The following CEP112 variants were observed in gnomAD, a reference collection of about 807,000 sequenced individuals.
CEP112 encodes the protein centrosomal protein of 112 kDa.
In CEP112, 127 loss-of-function variants were observed where a neutral mutation model predicts 153.0. That is an observed-to-expected ratio of 0.83 (90% CI 0.72 to 0.96). The LOEUF (loss-of-function observed/expected upper bound fraction) is 0.96, where lower values mean the gene tolerates loss of function less well. Among genes scored for constraint, CEP112 ranks in the 40% least tolerant of loss-of-function variants. The probability of loss-of-function intolerance (pLI) is 0.00; values close to 1 mark genes in which losing one functional copy is unlikely to be tolerated. For synonymous variants in CEP112, 358 were observed against 374.4 expected (o/e 0.96, Z 0.51); for missense variants, 1,089 against 1,101.2 (o/e 0.99, Z 0.16).
At chr17:65,687,075 G>A (rs1056831423) in intron 24 of CEP112, among the ~76,000 whole-genome samples, 1 of 151,298 alleles carries the variant, frequency 6.6e-6, no homozygotes, top group Non-Finnish European at 1.5e-5. Context: ...TGGTTATTGT[G>A]AAAATTAAAT....
At chr17:66,183,779 AAAG>A (rs2072815864) in intron 1 of CEP112, among the ~76,000 whole-genome samples, 2 of 152,206 alleles carry the variant, frequency 1.3e-5, no homozygotes, top group Admixed American at 1.3e-4. Flanking sequence ...TACAAAAAAA[AAAG>A]AACTTCAACC....
At position 65,857,472 on chromosome 17, in the gene CEP112, C is replaced by T. The variant is rs181338489; in HGVS notation, c.2164-5438G>A. On this transcript the variant is annotated intron_variant, in intron 20 of 26. Coordinates refer to ENST00000535342, the MANE Select transcript of CEP112 (RefSeq NM_001199165.4). ...GATGGCTTGCTAACCGAACTCCTGACCTCGTGATCCGCCCACCTCAGCCTC... is the reference window on the plus strand; with the variant it reads ...GATGGCTTGCTAACCGAACTCCTGATCTCGTGATCCGCCCACCTCAGCCTC... 7.1e-4 allele frequency among the ~76,000 whole-genome samples: 108 copies of T among 152,270 alleles called. 1 individual carries two copies. The highest frequency in any genetic ancestry group is 2.4e-3 in the African/African-American group (100 of 41,548).
chr17:65,711,741 T>C (rs1312467059), intron 23 of CEP112, among the ~76,000 whole-genome samples: 1 of 152,126 alleles, frequency 6.6e-6, no homozygotes, highest in Non-Finnish European at 1.5e-5. Flanking sequence ...CCCCCTGCTA[T>C]AGTCACAAAA....
At chr17:66,142,929 T>G (rs2070771521) in intron 4 of CEP112, among the ~76,000 whole-genome samples, 1 of 152,228 alleles carries the variant, frequency 6.6e-6, no homozygotes, top group South Asian at 2.1e-4. Flanking sequence ...TGTAGATTGC[T>G]TTGTGTATGG....
chr17:65,953,661 C>T (rs1263701974), intron 18 of CEP112, among the ~76,000 whole-genome samples: 1 of 113,538 alleles, frequency 8.8e-6, no homozygotes, highest in African/African-American at 2.9e-5. Flanking sequence ...TGTGTGGGAG[C>T]AGGGTGAGGC....
At position 65,679,621 on chromosome 17, in the gene CEP112, G is replaced by T. The variant is rs528214386; in HGVS notation, c.2697+9508C>A. Among the ~76,000 whole-genome samples, 4 of 152,224 alleles carry T rather than the reference G, an allele frequency of 2.6e-5. No individual in the cohort carries two copies. The South Asian group carries it at 6.2e-4, about 24-fold the overall frequency. On this transcript the variant is annotated intron_variant, in intron 24 of 26. Coordinates refer to ENST00000535342, the MANE Select transcript of CEP112 (RefSeq NM_001199165.4). ...AGAAGACCAATTCTTTTTAACAATT[G>T]TCACAATTATTGCACAATTGATTTT...
At chr17:65,693,986 C>T (rs2048244303) in intron 23 of CEP112, among the ~76,000 whole-genome samples, 1 of 152,100 alleles carries the variant, frequency 6.6e-6, no homozygotes, top group Admixed American at 6.5e-5. Context: ...TCTTGGATGT[C>T]CCAGCCTCCA....
chr17:65,843,881 A>G (rs1385583087), intron 21 of CEP112, among the ~76,000 whole-genome samples: 1 of 152,244 alleles, frequency 6.6e-6, no homozygotes, highest in Non-Finnish European at 1.5e-5. Context: ...ACAAAGGAAA[A>G]GATGAACAGA....
chr17:65,685,442 A>G (rs2047732024), intron 24 of CEP112, among the ~76,000 whole-genome samples: 1 of 152,210 alleles, frequency 6.6e-6, no homozygotes, highest in Admixed American at 6.5e-5. Context: ...AACCAGTATC[A>G]GGATAACAAT....
chr17:65,970,953 C>G (rs2062741742), intron 17 of CEP112, among the ~76,000 whole-genome samples: 3 of 148,582 alleles, frequency 2.0e-5, no homozygotes, highest in South Asian at 4.4e-4. Context: ...ATATTACATA[C>G]CTATTACATG....
rs2051781321 is a variant in CEP112, at chr17:65,750,726, T to A, written c.2395-2A>T. The stretch of plus-strand genomic sequence containing the variant: ...AATCTGCTTCAGCTTGCTGTTGGCC[T>A]GAAAAACACATGTACATGAACACAT... On this transcript the variant is annotated splice_acceptor_variant, in intron 21 of 26. Transcript: ENST00000535342. LOFTEE classifies it high-confidence loss of function. 1 of 1,613,806 alleles carries A rather than the reference T, an allele frequency of 6.2e-7. No homozygotes were observed.
chr17:66,130,129 G>A (rs2146524780), intron 5 of CEP112, among the ~76,000 whole-genome samples: 1 of 152,104 alleles, frequency 6.6e-6, no homozygotes, highest in Non-Finnish European at 1.5e-5. Flanking sequence ...CAGAGGAAAG[G>A]ATTAGGTTAC....
intron 6 of CEP112, among the ~76,000 whole-genome samples, chr17:66,124,324 A>T (rs758983508): frequency 7.2e-5 from 11 of 152,182 alleles, no homozygotes; most frequent in Non-Finnish European, 1.5e-4. Context: ...CAAACTCTGA[A>T]GGAACCTCAT....
chr17:65,986,570 TG>T (rs1456662891), intron 17 of CEP112, among the ~76,000 whole-genome samples: 1 of 152,164 alleles, frequency 6.6e-6, no homozygotes, highest in Non-Finnish European at 1.5e-5. Flanking sequence ...ATGATGTTGG[TG>T]TACTATATGT....
At chr17:66,086,993 CTT>C (rs1309262856) in intron 8 of CEP112, among the ~76,000 whole-genome samples, 1 of 152,010 alleles carries the variant, frequency 6.6e-6, no homozygotes, top group Non-Finnish European at 1.5e-5. Context: ...GATAAAAAAA[CTT>C]CATCAAAATA....
At position 66,109,037 on chromosome 17, in the gene CEP112, C is replaced by G. The variant is rs975530310; in HGVS notation, c.643-12405G>C. ...AACAGAAAGACAAACTTGACATGTT[C>G]TCAATTATTTGTGGGAGTTAAAAAT... On this transcript the variant is annotated intron_variant, in intron 6 of 26. Transcript: ENST00000535342. 4.6e-5 allele frequency among the ~76,000 whole-genome samples: 7 copies of G among 152,180 alleles called. No homozygotes were observed. In the East Asian group the frequency reaches 1.4e-3, roughly 29 times the overall value.
chr17:66,064,808 A>G (rs1417959228), intron 10 of CEP112, among the ~76,000 whole-genome samples: 1 of 152,218 alleles, frequency 6.6e-6, no homozygotes, highest in Non-Finnish European at 1.5e-5. Flanking sequence ...CAGGGTAAAG[A>G]AGAAGACCTG....
chr17:65,788,989 A>G (rs2054438466), intron 21 of CEP112, among the ~76,000 whole-genome samples: 1 of 151,830 alleles, frequency 6.6e-6, no homozygotes, highest in African/African-American at 2.4e-5. Flanking sequence ...TACCATAGCA[A>G]CCTCTCCCTT....
chr17:66,034,066 G>A (rs1278472151), intron 12 of CEP112, among the ~76,000 whole-genome samples: 3 of 152,076 alleles, frequency 2.0e-5, no homozygotes, highest in Admixed American at 6.6e-5. Flanking sequence ...TTGAATGTGT[G>A]CCAATTTTGA....
Sources: gnomAD v4.1 joint callset for allele counts (sites outside exome capture counted in the v4.1 genomes callset) on GRCh38, gnomAD v4.1.1 for gene constraint, MANE v1.5 for transcripts, NCBI Gene and HGNC (gene_info 2026-07-23, HGNC 2026-07-21) for gene names.